NOCT: variants seen among roughly 807,000 people sequenced by gnomAD.
NOCT encodes nocturnin, also known as CCR4 carbon catabolite repression 4-like.
A neutral mutation model predicts 35.0 loss-of-function variants in NOCT; 18 were observed. The observed-to-expected ratio is 0.51, with a 90% CI of 0.36 to 0.76. The LOEUF (loss-of-function observed/expected upper bound fraction) is 0.76, where lower values mean the gene tolerates loss of function less well. NOCT is among the 30% of genes least tolerant of loss of function. The pLI is 0.01. For synonymous variants in NOCT, 235 were observed against 226.3 expected, an observed-to-expected ratio of 1.04 and a Z score of -0.34; for missense variants, 479 against 541.0, an observed-to-expected ratio of 0.89 and a Z score of 1.14.
chr4:139,040,182 G>A (rs1726811179), intron 1 of NOCT, among the ~76,000 whole-genome samples: 1 of 143,900 alleles, frequency 6.9e-6, no homozygotes, highest in African/African-American at 2.6e-5. Context: ...ACAGGCGCCC[G>A]CCACCATGCC....
rs563806363 is a variant in NOCT at position 139,015,817 on chromosome 4, C to G, written c.-165C>G. On this transcript the variant is annotated 5_prime_UTR_variant, in exon 1 of 3. Coordinates refer to ENST00000280614, the MANE Select transcript of NOCT (RefSeq NM_012118.4). ...ACGCAGCGGTGTTGCACCTCCCTCTCCGGCTCTGCTGCCCGGGATTTCCCC... is the reference window on the plus strand; with the variant it reads ...ACGCAGCGGTGTTGCACCTCCCTCTGCGGCTCTGCTGCCCGGGATTTCCCC... 1 of 483,176 alleles carries G rather than the reference C, an allele frequency of 2.1e-6. No homozygotes were observed. The highest frequency in any genetic ancestry group is 3.2e-6 in the Non-Finnish European group (1 of 314,576). The allele number at this position is 483,176 out of a possible 1,614,324, so 29.9% of individuals were successfully genotyped here.
intron 1 of NOCT, among the ~76,000 whole-genome samples, chr4:139,028,621 T>C (rs1427669367): frequency 6.6e-6 from 1 of 152,192 alleles, no homozygotes; most frequent in African/African-American, 2.4e-5. Flanking sequence ...GACAGCTGCA[T>C]CGCTGTTGCC....
At chr4:139,016,583 C>G (rs1051035146) in intron 1 of NOCT, among the ~76,000 whole-genome samples, 1 of 134,022 alleles carries the variant, frequency 7.5e-6, no homozygotes, top group Non-Finnish European at 1.6e-5. Context: ...CTTTCATGGT[C>G]TAGATATTAA....
intron 1 of NOCT, among the ~76,000 whole-genome samples, chr4:139,032,980 G>A (rs1266454942): frequency 6.6e-6 from 1 of 152,148 alleles, no homozygotes; most frequent in Non-Finnish European, 1.5e-5. Context: ...CAGGGGAATT[G>A]CTTGACCCTG....
chr4:139,025,856 G>A (rs539608373), intron 1 of NOCT, among the ~76,000 whole-genome samples: 5 of 152,088 alleles, frequency 3.3e-5, no homozygotes, highest in African/African-American at 9.6e-5. Context: ...AAGATCTTAG[G>A]AAGGAGAGAA....
Position 139,016,170 on chromosome 4 carries a change from A to C in NOCT, c.189A>C (p.Thr63=). ...GCGCCGCGAGGTCGTGTTCCCGAAC[A>C]GGTGAGTGCACCCCAGTTCCGGGCG... ...ASGAARSCSR[T]VCSMGTGTSR... is the part of the protein sequence containing the mutation. The change falls in exon 1 of 3, where the codon ACA becomes ACC. Residue 63 remains threonine (T), a splice_region_variant and synonymous_variant. Coordinates refer to ENST00000280614, the MANE Select transcript of NOCT (RefSeq NM_012118.4). 1 of 1,245,114 alleles carries C rather than the reference A, an allele frequency of 8.0e-7. No individual in the cohort carries two copies. Among genetic ancestry groups the C allele is most frequent in the South Asian group, 3.2e-5 (1 of 31,374 alleles). The allele number at this position is 1,245,114 out of a possible 1,614,324, so 77.1% of individuals were successfully genotyped here.
At chr4:139,030,655 T>C (rs1726606691) in intron 1 of NOCT, among the ~76,000 whole-genome samples, 1 of 152,238 alleles carries the variant, frequency 6.6e-6, no homozygotes, top group South Asian at 2.1e-4. Flanking sequence ...AAATATATTG[T>C]ATATCCAACA....
chr4:139,025,175 T>A (rs574034054), intron 1 of NOCT, among the ~76,000 whole-genome samples: 1 of 152,316 alleles, frequency 6.6e-6, no homozygotes, highest in Non-Finnish European at 1.5e-5. Context: ...GGGTATTCTT[T>A]GGTTCTATGG....
chr4:139,041,516 T>A (rs1249296826), intron 1 of NOCT, among the ~76,000 whole-genome samples: 2 of 152,212 alleles, frequency 1.3e-5, no homozygotes, highest in Non-Finnish European at 2.9e-5. Flanking sequence ...TAAAACATAG[T>A]TGACCTCTAA....
At chr4:139,035,852 A>G (rs1726726444) in intron 1 of NOCT, among the ~76,000 whole-genome samples, 1 of 152,052 alleles carries the variant, frequency 6.6e-6, no homozygotes, top group Non-Finnish European at 1.5e-5. Context: ...CTGTTTATCA[A>G]GCTTGCCACG....
chr4:139,021,043 GGCGACAGTA>G (rs1560728801), intron 1 of NOCT, among the ~76,000 whole-genome samples: 1 of 148,430 alleles, frequency 6.7e-6, no homozygotes, highest in Non-Finnish European at 1.5e-5. Flanking sequence ...CTCCAGCCTG[GGCGACAGTA>G]GGAGCAATAC....
At chr4:139,017,523 C>A (rs1037955704) in intron 1 of NOCT, among the ~76,000 whole-genome samples, 2 of 150,374 alleles carry the variant, frequency 1.3e-5, no homozygotes, top group African/African-American at 4.8e-5. Context: ...CCACCGCCCC[C>A]CCGGCCTATA....
In NOCT at chr4:139,015,953, G is replaced by T. The variant is rs1347204879; in HGVS notation, c.-29G>T. ...GCCGGGCTCCGCTCCTCGGGCGCGCGAGGGGCCGTGGTGGCGGCGGCGCCC... is the reference window on the plus strand; with the variant it reads ...GCCGGGCTCCGCTCCTCGGGCGCGCTAGGGGCCGTGGTGGCGGCGGCGCCC... On this transcript the variant is annotated 5_prime_UTR_variant, in exon 1 of 3. Transcript: ENST00000280614. 1 of 1,322,440 alleles carries T rather than the reference G, an allele frequency of 7.6e-7. No homozygotes were observed. Among genetic ancestry groups the T allele is most frequent in the Admixed American group, 4.1e-5 (1 of 24,596 alleles). The allele number at this position is 1,322,440 out of a possible 1,614,324, so 81.9% of individuals were successfully genotyped here.
chr4:139,031,754 C>T (rs751958320), intron 1 of NOCT, among the ~76,000 whole-genome samples: 4 of 151,928 alleles, frequency 2.6e-5, no homozygotes, highest in Non-Finnish European at 5.9e-5. Flanking sequence ...CTCTTGTTGC[C>T]CAGGCTGGAG....
In NOCT at chr4:139,043,210, G is replaced by A; in HGVS notation, c.327G>A (p.Glu109=). 1 of 1,614,156 alleles carries A rather than the reference G, an allele frequency of 6.2e-7. No individual in the cohort carries two copies. Among genetic ancestry groups the A allele is most frequent in the Non-Finnish European group, 8.5e-7 (1 of 1,180,020 alleles). ...ATCTGGAGCCCATTGATCCTAAAGA[G>A]CTTCTTGAGGAATGCAGGGCCGTCC... ...PEHLEPIDPK[E]LLEECRAVLH... Residue 109 remains glutamate (E), a synonymous_variant, in exon 2 of 3, where the codon GAG becomes GAA. Coordinates refer to ENST00000280614, the MANE Select transcript of NOCT (RefSeq NM_012118.4).
chr4:139,044,950 A>C lies in NOCT; in HGVS notation c.772A>C (p.Met258Leu). The part of the protein sequence containing the change: ...VNSANIRLTA[M>L]TLKTNQVAIA... ...CAGTGCCAATATTAGGCTGACAGCC[A>C]TGACATTGAAAACCAACCAGGTGGC... The change falls in exon 3 of 3, where the codon ATG becomes CTG. Residue 258 changes from methionine to leucine, a missense_variant. Met to Leu is a conservative substitution (Grantham distance 15). This residue lies in a region of NOCT where 214 missense variants were observed against 284.0 expected (regional missense o/e 0.75). Transcript: ENST00000280614. 1.2e-6 allele frequency: 2 copies of C among 1,614,226 alleles called. No homozygotes were observed. The highest frequency in any genetic ancestry group is 1.7e-6 in the Non-Finnish European group (2 of 1,180,044).
chr4:139,025,336 G>A (rs562287583), intron 1 of NOCT, among the ~76,000 whole-genome samples: 1 of 152,256 alleles, frequency 6.6e-6, no homozygotes, highest in East Asian at 1.9e-4. Flanking sequence ...TCAGCTTGGA[G>A]TTTCTTCAAG....
chr4:139,036,036 A>G (rs747680852), intron 1 of NOCT, among the ~76,000 whole-genome samples: 29 of 152,064 alleles, frequency 1.9e-4, no homozygotes, highest in Non-Finnish European at 4.0e-4. Flanking sequence ...AGCATTCCCT[A>G]TTCTACCTTT....
chr4:139,017,693 G>A (rs1411807660), intron 1 of NOCT, among the ~76,000 whole-genome samples: 4 of 151,792 alleles, frequency 2.6e-5, no homozygotes, highest in Non-Finnish European at 5.9e-5. Flanking sequence ...TACTCTGGAG[G>A]CTGAGGCAGG....
Sources: allele counts gnomAD v4.1 joint callset (sites outside exome capture counted in the v4.1 genomes callset), GRCh38; gene constraint gnomAD v4.1.1; regional missense constraint gnomAD v4.1.1; transcripts MANE v1.5; gene names NCBI Gene and HGNC (gene_info 2026-07-23, HGNC 2026-07-21).